The following LRRC37A2 variants were observed in gnomAD, a reference collection of about 807,000 sequenced individuals.
LRRC37A2 encodes leucine rich repeat containing 37 member A2, also known as leucine-rich repeat-containing protein 37A2.
In LRRC37A2, 9 loss-of-function variants were observed where a neutral mutation model predicts 68.8. That is an observed-to-expected ratio of 0.13 (90% confidence interval 0.08 to 0.23). The LOEUF (loss-of-function observed/expected upper bound fraction) is 0.23. Among genes scored for constraint, LRRC37A2 ranks in the 10% least tolerant of loss-of-function variants. LRRC37A2 has a pLI of 1.00. For synonymous variants in LRRC37A2, 63 were observed against 367.6 expected (o/e 0.17, Z 9.48); for missense variants, 168 against 950.4 (o/e 0.18, Z 10.82).
At chr17:46,992,580 C>T in the LRRC37A2 span, among the ~76,000 whole-genome samples, 2 of 151,418 alleles carry the variant, frequency 1.3e-5, no homozygotes, top group East Asian at 2.0e-4. Context: ...AGGCCAGGTG[C>T]GGTGGCTCAT....
the LRRC37A2 span, chr17:47,018,417 A>G: frequency 1.3e-6 from 2 of 1,594,556 alleles, no homozygotes; most frequent in Middle Eastern, 2.3e-4. Flanking sequence ...AGATTCACCC[A>G]GTGTCTCTGT....
chr17:46,494,506 C>CT, the LRRC37A2 span, among the ~76,000 whole-genome samples: 3 of 149,498 alleles, frequency 2.0e-5, no homozygotes, highest in Admixed American at 2.0e-4. Flanking sequence ...TCCAATAAAA[C>CT]TTTATGAACA....
At chr17:46,542,886 G>C (rs1385235796) in intron 8 of LRRC37A2, among the ~76,000 whole-genome samples, 1 of 150,036 alleles carries the variant, frequency 6.7e-6, no homozygotes, top group African/African-American at 2.5e-5. Context: ...GCATGGAAAG[G>C]GCCCTTCATT....
chr17:46,784,900 C>T, the LRRC37A2 span, among the ~76,000 whole-genome samples: 12 of 151,822 alleles, frequency 7.9e-5, no homozygotes, highest in African/African-American at 1.2e-4. Flanking sequence ...CTCAGCCTCC[C>T]GAGTAGCTGG....
At chr17:46,908,937 C>T in the LRRC37A2 span, among the ~76,000 whole-genome samples, 3 of 152,130 alleles carry the variant, frequency 2.0e-5, no homozygotes, top group Non-Finnish European at 4.4e-5. Flanking sequence ...ATGAGGAGGC[C>T]CTGGGCTGTC....
chr17:47,018,339 C>T, the LRRC37A2 span: 4 of 1,611,378 alleles, frequency 2.5e-6, no homozygotes, highest in African/African-American at 1.3e-5. Context: ...GCAGGAGACC[C>T]CAGGTCAGCC....
At chr17:46,730,120 T>C in the LRRC37A2 span, among the ~76,000 whole-genome samples, 1 of 152,086 alleles carries the variant, frequency 6.6e-6, no homozygotes, top group Non-Finnish European at 1.5e-5. Context: ...TCTACATATA[T>C]CATGATTCCT....
the LRRC37A2 span, chr17:47,024,760 G>A: frequency 1.3e-6 from 1 of 797,080 alleles, no homozygotes; most frequent in Admixed American, 1.8e-5. Context: ...TTGTAAGTTA[G>A]TTAATTATAT....
At chr17:46,780,604 G>A in the LRRC37A2 span, among the ~76,000 whole-genome samples, 6 of 152,136 alleles carry the variant, frequency 3.9e-5, no homozygotes, top group Non-Finnish European at 5.9e-5. Context: ...GTGAAACCCC[G>A]TCTCTACTAA....
At chr17:46,522,400 AACAG>A (rs1489302957) in intron 4 of LRRC37A2, among the ~76,000 whole-genome samples, 111 of 111,648 alleles carry the variant, frequency 9.9e-4, no homozygotes, top group African/African-American at 3.9e-3. Context: ...GGCTTAGGAA[AACAG>A]ACCTAAACTA....
the LRRC37A2 span, among the ~76,000 whole-genome samples, chr17:46,957,839 A>G: frequency 1.3e-5 from 2 of 152,236 alleles, no homozygotes; most frequent in African/African-American, 2.4e-5. Context: ...CTAATGATCC[A>G]GACATCTCCA....
At chr17:46,735,751 C>A in the LRRC37A2 span, among the ~76,000 whole-genome samples, 1 of 152,124 alleles carries the variant, frequency 6.6e-6, no homozygotes, top group Non-Finnish European at 1.5e-5. Flanking sequence ...TCAAAACCAG[C>A]ATGGCCAACA....
the LRRC37A2 span, among the ~76,000 whole-genome samples, chr17:46,724,277 GGA>G: frequency 6.6e-6 from 1 of 152,184 alleles, no homozygotes; most frequent in African/African-American, 2.4e-5. Context: ...CTGCATGAAA[GGA>G]CAACCCGAAA....
chr17:46,608,107 G>A, the LRRC37A2 span, among the ~76,000 whole-genome samples: 1 of 122,912 alleles, frequency 8.1e-6, no homozygotes, highest in Non-Finnish European at 1.6e-5. Flanking sequence ...TCAGGAGATC[G>A]AGACCATCCT....
At chr17:46,797,564 A>G in the LRRC37A2 span, among the ~76,000 whole-genome samples, 2 of 152,242 alleles carry the variant, frequency 1.3e-5, no homozygotes, top group Admixed American at 1.3e-4. Flanking sequence ...AGATGGGCAC[A>G]ACCTCTTTGG....
chr17:46,803,215 G>T, the LRRC37A2 span, among the ~76,000 whole-genome samples: 2 of 152,212 alleles, frequency 1.3e-5, no homozygotes, highest in African/African-American at 2.4e-5. Flanking sequence ...GACAGTTTAC[G>T]TCTTTTCCTG....
the LRRC37A2 span, among the ~76,000 whole-genome samples, chr17:46,621,410 C>A: frequency 8.0e-6 from 1 of 124,788 alleles, no homozygotes; most frequent in African/African-American, 3.2e-5. Flanking sequence ...CCTCAGCCTC[C>A]CAAGTAGCTG....
the LRRC37A2 span, chr17:46,935,021 T>A: frequency 6.2e-7 from 1 of 1,611,952 alleles, no homozygotes; most frequent in African/African-American, 1.3e-5. Context: ...CCTGTGTTTC[T>A]TTCACAGGAC....
At chr17:46,999,803 A>G in the LRRC37A2 span, among the ~76,000 whole-genome samples, 1 of 151,414 alleles carries the variant, frequency 6.6e-6, no homozygotes, top group Admixed American at 6.6e-5. Flanking sequence ...GTTTGAAACC[A>G]GCCTGGCCAA....
Sources: allele counts gnomAD v4.1 joint callset (sites outside exome capture counted in the v4.1 genomes callset), GRCh38; gene constraint gnomAD v4.1.1; transcripts MANE v1.5; gene names NCBI Gene and HGNC (gene_info 2026-07-23, HGNC 2026-07-21).